The following PLCB1 variants were observed in gnomAD, a reference collection of about 807,000 sequenced individuals.
PLCB1 encodes the protein 1-phosphatidylinositol 4,5-bisphosphate phosphodiesterase beta-1.
In PLCB1, 46 loss-of-function variants were observed where a neutral mutation model predicts 161.8. That is an observed-to-expected ratio of 0.28 (90% CI 0.22 to 0.36). The LOEUF (loss-of-function observed/expected upper bound fraction) is 0.36. PLCB1 is among the 10% of genes least tolerant of loss of function. PLCB1 has a pLI of 1.00. For synonymous variants in PLCB1, 517 were observed against 503.7 expected (o/e 1.03, Z -0.35); for missense variants, 1,016 against 1,472.5 (o/e 0.69, Z 5.07).
At chr20:8,705,994 A>G (rs1978648982) in intron 11 of PLCB1, among the ~76,000 whole-genome samples, 1 of 152,240 alleles carries the variant, frequency 6.6e-6, no homozygotes, top group Non-Finnish European at 1.5e-5. Context: ...CAGGAAAGCA[A>G]TAAAAAGACT....
Position 8,499,008 on chromosome 20 carries a change from C to T in PLCB1, c.246+127558C>T, listed in dbSNP as rs149533677. 9.2e-5 allele frequency among the ~76,000 whole-genome samples: 14 copies of T among 152,266 alleles called. No homozygotes were observed. In the East Asian group the frequency reaches 2.7e-3, roughly 29 times the overall value. ...GTATAAAAATTGACCAAATTATCCA[C>T]AAATCTTCCTGTACCACTTGTCAAG... On this transcript the variant is annotated intron_variant, in intron 3 of 31. Coordinates refer to ENST00000338037, the MANE Select transcript of PLCB1 (RefSeq NM_015192.4).
intron 3 of PLCB1, among the ~76,000 whole-genome samples, chr20:8,527,976 T>A (rs1984649048): frequency 6.6e-6 from 1 of 152,024 alleles, no homozygotes; most frequent in African/African-American, 2.4e-5. Flanking sequence ...AATGCAGCAT[T>A]TCCTATTTTA....
chr20:8,748,671 G>C (rs765780949), intron 23 of PLCB1, among the ~76,000 whole-genome samples: 12 of 152,122 alleles, frequency 7.9e-5, no homozygotes, highest in Non-Finnish European at 1.8e-4. Flanking sequence ...TACAGGTGCA[G>C]GAAATGGGGA....
At chr20:8,775,073 C>CTTTTTT (rs71184112) in intron 27 of PLCB1, among the ~76,000 whole-genome samples, 1 of 123,936 alleles carries the variant, frequency 8.1e-6, no homozygotes, top group Non-Finnish European at 1.7e-5. Context: ...CAAATTTTCC[C>CTTTTTT]TTTTTTTTTT....
chr20:8,832,807 T>C (rs1986079572), intron 31 of PLCB1, among the ~76,000 whole-genome samples: 1 of 152,226 alleles, frequency 6.6e-6, no homozygotes. Context: ...CTTATTAATT[T>C]GAATTAGTTT....
At chr20:8,263,706 TAAG>T (rs1981820052) in intron 2 of PLCB1, among the ~76,000 whole-genome samples, 1 of 152,168 alleles carries the variant, frequency 6.6e-6, no homozygotes, top group South Asian at 2.1e-4. Flanking sequence ...AACATAATGG[TAAG>T]TATTCATGTA....
At chr20:8,519,525 T>C (rs1024239687) in intron 3 of PLCB1, among the ~76,000 whole-genome samples, 3 of 152,108 alleles carry the variant, frequency 2.0e-5, no homozygotes, top group Admixed American at 6.6e-5. Context: ...CTCTCCCCCA[T>C]AGTGATTGAC....
intron 3 of PLCB1, among the ~76,000 whole-genome samples, chr20:8,549,745 T>C (rs1985705972): frequency 6.6e-6 from 1 of 152,170 alleles, no homozygotes; most frequent in Non-Finnish European, 1.5e-5. Context: ...CTAACTTTTG[T>C]ATTTTTGTAG....
At chr20:8,716,370 C>T (rs1415266463) in intron 13 of PLCB1, 22 bp downstream of exon 13, 1 of 1,547,408 alleles carries the variant, frequency 6.5e-7, no homozygotes, top group East Asian at 2.2e-5. Flanking sequence ...TGATGTTTGT[C>T]CTTGAAGGAA....
intron 3 of PLCB1, among the ~76,000 whole-genome samples, chr20:8,386,915 C>T (rs1215680615): frequency 6.6e-6 from 1 of 152,210 alleles, no homozygotes; most frequent in Non-Finnish European, 1.5e-5. Flanking sequence ...CCACTGCTAG[C>T]TTCATACTTT....
chr20:8,197,810 T>G (rs1490121869), intron 2 of PLCB1, among the ~76,000 whole-genome samples: 1 of 152,200 alleles, frequency 6.6e-6, no homozygotes, highest in Non-Finnish European at 1.5e-5. Flanking sequence ...ATTTAAATCT[T>G]TAATCCATCT....
At chr20:8,657,131 G>GA (rs1379973684) in intron 7 of PLCB1, 53 bp from the exon 8 acceptor site, 10 of 959,092 alleles carry the variant, frequency 1.0e-5, no homozygotes, top group Non-Finnish European at 1.7e-5. Context: ...AGGGAGGGAG[G>GA]AAGCTGGGGA....
At chr20:8,523,671 C>T (rs746961357) in intron 3 of PLCB1, among the ~76,000 whole-genome samples, 12 of 150,986 alleles carry the variant, frequency 7.9e-5, no homozygotes, top group Non-Finnish European at 1.6e-4. Context: ...TAGTAGCAGA[C>T]ATCAGTTGGG....
intron 3 of PLCB1, among the ~76,000 whole-genome samples, chr20:8,443,497 C>CCATTAGG (rs1980664514): frequency 6.6e-6 from 1 of 152,158 alleles, no homozygotes; most frequent in Non-Finnish European, 1.5e-5. Flanking sequence ...AACCTATTGA[C>CCATTAGG]CATTAGGCTT....
chr20:8,257,216 C>G (rs1050638692), intron 2 of PLCB1, among the ~76,000 whole-genome samples: 5 of 152,086 alleles, frequency 3.3e-5, no homozygotes. Flanking sequence ...TTACAGTTTA[C>G]AGGTAAGATG....
At chr20:8,407,040 C>T (rs1043563393) in intron 3 of PLCB1, among the ~76,000 whole-genome samples, 2 of 152,184 alleles carry the variant, frequency 1.3e-5, no homozygotes, top group African/African-American at 4.8e-5. Context: ...TGAGGCTACA[C>T]AGCCCATTGC....
At chr20:8,569,904 A>G (rs933667252) in intron 3 of PLCB1, among the ~76,000 whole-genome samples, 12 of 152,110 alleles carry the variant, frequency 7.9e-5, no homozygotes, top group African/African-American at 2.2e-4. Context: ...AGAAAATCCA[A>G]CTCTCACTGG....
At chr20:8,523,490 CT>C (rs1568492962) in intron 3 of PLCB1, among the ~76,000 whole-genome samples, 6,645 of 64,868 alleles carry the variant, frequency 0.1, 1,019 homozygotes, top group Non-Finnish European at 0.13. Context: ...CTCTCTCTCT[CT>C]CTCTCTATAT....
chr20:8,873,765 ATTT>A (rs1460477729), intron 31 of PLCB1, among the ~76,000 whole-genome samples: 1 of 152,052 alleles, frequency 6.6e-6, no homozygotes, highest in African/African-American at 2.4e-5. Flanking sequence ...GGTTTATATT[ATTT>A]GACTACCTCA....
Sources: gnomAD v4.1 joint callset for allele counts (sites outside exome capture counted in the v4.1 genomes callset) on GRCh38, gnomAD v4.1.1 for gene constraint, MANE v1.5 for transcripts, NCBI Gene and HGNC (gene_info 2026-07-23, HGNC 2026-07-21) for gene names.